Variants in ZNF354B observed in about 807,000 individuals in gnomAD.
ZNF354B encodes zinc finger protein 354B.
ZNF354B carries 10 observed loss-of-function variants against 12.9 expected under a neutral mutation model. The observed-to-expected ratio is 0.77, with a 90% confidence interval of 0.48 to 1.31. The LOEUF is 1.31. Ranked by LOEUF, ZNF354B falls within the 40% of genes most tolerant of loss-of-function variation. The pLI, the probability that ZNF354B is intolerant of heterozygous loss-of-function variation, is 0.00. For missense variants in ZNF354B, 614 were observed against 711.7 expected (o/e 0.86, Z 1.56); for synonymous variants, 260 against 243.7 (o/e 1.07, Z -0.62).
At chr5:178,875,526 G>A (rs894712607) in intron 4 of ZNF354B, among the ~76,000 whole-genome samples, 1 of 152,144 alleles carries the variant, frequency 6.6e-6, no homozygotes, top group Admixed American at 6.5e-5. Context: ...CAGGGTTTTT[G>A]TTCCTTCCTC....
chr5:178,876,814 G>A (rs1379176944), intron 4 of ZNF354B, among the ~76,000 whole-genome samples: 1 of 151,920 alleles, frequency 6.6e-6, no homozygotes, highest in Non-Finnish European at 1.5e-5. Flanking sequence ...CTAGCTCTGA[G>A]CATCTTTATG....
chr5:178,870,679 T>G (rs1300464585), intron 4 of ZNF354B, among the ~76,000 whole-genome samples: 2 of 152,348 alleles, frequency 1.3e-5, no homozygotes, highest in East Asian at 3.9e-4. Flanking sequence ...AAGCAGCAAC[T>G]GCACACAGGG....
At position 178,884,355 on chromosome 5, in the gene ZNF354B, T is replaced by C. The variant is rs187659702; in HGVS notation, c.*64T>C. 12 of 1,488,848 alleles carry C rather than the reference T, an allele frequency of 8.1e-6. No homozygotes were observed. The Admixed American group carries it at 9.2e-5, about 11-fold the overall frequency. The allele number at this position is 1,488,848 out of a possible 1,614,324, so 92.2% of individuals were successfully genotyped here. Reference sequence around the variant, plus strand: ...AGAGTGATTTATTAAATATAATGAATATGAGAAAACTCTTAGTTCTCATCA... The same window carrying C: ...AGAGTGATTTATTAAATATAATGAACATGAGAAAACTCTTAGTTCTCATCA... On this transcript the variant is annotated 3_prime_UTR_variant, in exon 5 of 5. Coordinates refer to ENST00000322434, the MANE Select transcript of ZNF354B (RefSeq NM_058230.3).
chr5:178,869,889 C>T (rs1757535682), intron 4 of ZNF354B, among the ~76,000 whole-genome samples: 1 of 152,190 alleles, frequency 6.6e-6, no homozygotes, highest in Non-Finnish European at 1.5e-5. Context: ...GGGCTCCTGT[C>T]TGCCTGGACT....
intron 4 of ZNF354B, among the ~76,000 whole-genome samples, chr5:178,879,569 G>T (rs556334690): frequency 6.6e-6 from 1 of 151,816 alleles, no homozygotes; most frequent in African/African-American, 2.4e-5. Context: ...AGAAGAGAGG[G>T]GGTTTCACCA....
intron 4 of ZNF354B, among the ~76,000 whole-genome samples, chr5:178,870,629 C>T (rs1757548307): frequency 6.6e-6 from 1 of 152,084 alleles, no homozygotes; most frequent in South Asian, 2.1e-4. Flanking sequence ...CTGAATGGTG[C>T]AGGGTGGTGA....
chr5:178,865,748 C>G (rs1443313357), intron 2 of ZNF354B, among the ~76,000 whole-genome samples: 1 of 152,100 alleles, frequency 6.6e-6, no homozygotes, highest in African/African-American at 2.4e-5. Context: ...GAGAGGTGTT[C>G]TGATTTTCAT....
chr5:178,876,521 A>C (rs1169116446), intron 4 of ZNF354B, among the ~76,000 whole-genome samples: 1 of 152,190 alleles, frequency 6.6e-6, no homozygotes, highest in East Asian at 1.9e-4. Flanking sequence ...GACGATGCAT[A>C]TTTCGGCCTG....
At chr5:178,877,944 A>G (rs1202491881) in intron 4 of ZNF354B, among the ~76,000 whole-genome samples, 1 of 152,174 alleles carries the variant, frequency 6.6e-6, no homozygotes, top group Non-Finnish European at 1.5e-5. Flanking sequence ...CCTGACATCT[A>G]CTTTTTCTTT....
intron 2 of ZNF354B, among the ~76,000 whole-genome samples, chr5:178,865,267 G>A (rs1432420827): frequency 5.5e-5 from 8 of 146,550 alleles, no homozygotes; most frequent in Admixed American, 2.7e-4. Flanking sequence ...GACTTTAGAC[G>A]AATTTTTTTT....
At chr5:178,878,186 A>C (rs1315025420) in intron 4 of ZNF354B, among the ~76,000 whole-genome samples, 2 of 152,044 alleles carry the variant, frequency 1.3e-5, no homozygotes, top group South Asian at 4.2e-4. Flanking sequence ...GATCGAGACC[A>C]TCCTGGCTAA....
At chr5:178,864,621 GA>G in intron 2 of ZNF354B, among the ~76,000 whole-genome samples, 1 of 151,748 alleles carries the variant, frequency 6.6e-6, no homozygotes, top group Non-Finnish European at 1.5e-5. Flanking sequence ...TATGTATGTA[GA>G]AATTTTTTTT....
At chr5:178,862,284 C>T (rs1247623942) in intron 2 of ZNF354B, among the ~76,000 whole-genome samples, 4 of 151,852 alleles carry the variant, frequency 2.6e-5, no homozygotes, top group Non-Finnish European at 5.9e-5. Flanking sequence ...ACCACCCAGT[C>T]GTCCCTGTGG....
At chr5:178,881,318 CCACAA>C (rs1016216649) in intron 4 of ZNF354B, among the ~76,000 whole-genome samples, 1 of 151,554 alleles carries the variant, frequency 6.6e-6, no homozygotes, top group Non-Finnish European at 1.5e-5. Flanking sequence ...GCTAAACATT[CCACAA>C]TGCACAGGGC....
rs762267956 is a variant in ZNF354B at position 178,883,041 on chromosome 5, C to T, written c.589C>T (p.Gln197Ter). ...KCEIQRNSFK[Q>*]NSNLLNQSKI... ...TGAAATACAAAGAAATAGTTTCAAGCAGAATTCAAATTTACTTAACCAATC... is the reference window on the plus strand; with the variant it reads ...TGAAATACAAAGAAATAGTTTCAAGTAGAATTCAAATTTACTTAACCAATC... Residue 197 changes from glutamine (Q) to a stop codon, truncating the protein, a stop_gained, in exon 5 of 5, where the codon CAG becomes TAG. Transcript: ENST00000322434. LOFTEE classifies it low-confidence loss of function (END_TRUNC). The T allele has an allele frequency of 4.4e-6, 7 of 1,606,842 alleles. No individual in the cohort carries two copies. The highest frequency in any genetic ancestry group is 1.7e-6 in the Non-Finnish European group (2 of 1,178,410).
At chr5:178,869,347 A>T (rs1757520098) in intron 4 of ZNF354B, among the ~76,000 whole-genome samples, 1 of 152,060 alleles carries the variant, frequency 6.6e-6, no homozygotes, top group Non-Finnish European at 1.5e-5. Flanking sequence ...TAAAAAGGGG[A>T]ACCACACTTG....
At chr5:178,876,927 C>CTT (rs71589405) in intron 4 of ZNF354B, among the ~76,000 whole-genome samples, 30,122 of 141,234 alleles carry the variant, frequency 0.21, 3,480 homozygotes, top group Non-Finnish European at 0.25. Context: ...TTTTTTATGC[C>CTT]TTTTTTTTTT....
chr5:178,873,056 G>A (rs1757587022), intron 4 of ZNF354B, among the ~76,000 whole-genome samples: 1 of 152,178 alleles, frequency 6.6e-6, no homozygotes, highest in Non-Finnish European at 1.5e-5. Flanking sequence ...CCAGAGTGCT[G>A]GGCTTACAGG....
At chr5:178,879,584 G>C (rs920878243) in intron 4 of ZNF354B, among the ~76,000 whole-genome samples, 2 of 151,844 alleles carry the variant, frequency 1.3e-5, no homozygotes, top group African/African-American at 4.8e-5. Context: ...TCACCATGTT[G>C]ATCAGGATGG....
Sources: allele counts gnomAD v4.1 joint callset (sites outside exome capture counted in the v4.1 genomes callset), GRCh38; gene constraint gnomAD v4.1.1; transcripts MANE v1.5; gene names NCBI Gene and HGNC (gene_info 2026-07-23, HGNC 2026-07-21).